TNPO1: variants seen among roughly 807,000 people sequenced by gnomAD.
TNPO1 encodes the protein transportin-1.
In TNPO1, 8 loss-of-function variants were observed where a neutral mutation model predicts 119.5. The observed-to-expected ratio is 0.07, with a 90% CI of 0.04 to 0.12. The LOEUF is 0.12. Ranked by LOEUF, TNPO1 falls within the 10% of genes least tolerant of loss-of-function variation. The pLI is 1.00. For missense variants in TNPO1, 576 were observed against 1,089.8 expected (o/e 0.53, Z 6.64); for synonymous variants, 362 against 363.0 (o/e 1.00, Z 0.03).
intron 1 of TNPO1, among the ~76,000 whole-genome samples, chr5:72,836,308 T>G (rs1744691658): frequency 6.6e-6 from 1 of 152,162 alleles, no homozygotes; most frequent in Non-Finnish European, 1.5e-5. Context: ...CTTTCAAATC[T>G]AGGTGAGGTA....
intron 9 of TNPO1, among the ~76,000 whole-genome samples, chr5:72,879,970 T>C (rs1182860986): frequency 6.6e-6 from 1 of 152,114 alleles, no homozygotes; most frequent in Non-Finnish European, 1.5e-5. Context: ...GGCAGATCGC[T>C]TGAGCTCAGG....
intron 1 of TNPO1, among the ~76,000 whole-genome samples, chr5:72,823,932 C>T (rs1744095666): frequency 6.6e-6 from 1 of 152,206 alleles, no homozygotes; most frequent in African/African-American, 2.4e-5. Flanking sequence ...CCCAAACCTT[C>T]TATATCTCTT....
At chr5:72,848,320 C>T (rs1745241884) in intron 1 of TNPO1, 65 bp from the exon 2 acceptor site, 8 of 1,506,598 alleles carry the variant, frequency 5.3e-6, no homozygotes, top group African/African-American at 2.8e-5. Flanking sequence ...CGCGGGAAGC[C>T]TCTGGGCCTG....
intron 15 of TNPO1, 86 bp from the exon 16 acceptor site, chr5:72,893,053 A>C: frequency 4.2e-6 from 4 of 944,346 alleles, no homozygotes; most frequent in Non-Finnish European, 3.3e-6. Flanking sequence ...ATAAATGATC[A>C]GGATCCTGTT....
chr5:72,848,676 C>G (rs1333195304), intron 2 of TNPO1, among the ~76,000 whole-genome samples, 178 bp downstream of exon 2: 2 of 148,698 alleles, frequency 1.3e-5, no homozygotes, highest in African/African-American at 2.4e-5. Flanking sequence ...GGGCGACTCG[C>G]GCACGCGGCC....
At chr5:72,891,406 A>G (rs932282271) in intron 14 of TNPO1, among the ~76,000 whole-genome samples, 1 of 152,090 alleles carries the variant, frequency 6.6e-6, no homozygotes, top group African/African-American at 2.4e-5. Flanking sequence ...CGGAGCTTGC[A>G]GTGAGCTGAG....
At chr5:72,855,692 A>T in intron 3 of TNPO1, 82 bp from the exon 4 acceptor site, 1 of 1,172,302 alleles carries the variant, frequency 8.5e-7, no homozygotes, top group Non-Finnish European at 1.2e-6. Context: ...CAACTTTTGA[A>T]TATAAATGTT....
intron 3 of TNPO1, among the ~76,000 whole-genome samples, chr5:72,853,652 T>A (rs1745760819): frequency 1.0e-5 from 1 of 98,510 alleles, no homozygotes; most frequent in Non-Finnish European, 2.1e-5. Flanking sequence ...TCTTCTTGTG[T>A]TTATGCATTT....
At chr5:72,882,974 C>T in intron 10 of TNPO1, 90 bp from the exon 11 acceptor site, 1 of 900,618 alleles carries the variant, frequency 1.1e-6, no homozygotes, top group Non-Finnish European at 1.8e-6. Flanking sequence ...GTGCATGACC[C>T]CATCTCTGGA....
At chr5:72,839,888 G>C (rs1020551784) in intron 1 of TNPO1, among the ~76,000 whole-genome samples, 2 of 152,160 alleles carry the variant, frequency 1.3e-5, no homozygotes, top group Non-Finnish European at 2.9e-5. Context: ...ATCTGTTTTA[G>C]AACTCAACAA....
At chr5:72,844,184 A>T (rs1025288568) in intron 1 of TNPO1, among the ~76,000 whole-genome samples, 6 of 152,238 alleles carry the variant, frequency 3.9e-5, no homozygotes, top group African/African-American at 1.4e-4. Context: ...ATACAATATG[A>T]CAGTTTCTAG....
At chr5:72,817,025 A>G in intron 1 of TNPO1, 1 of 471,962 alleles carries the variant, frequency 2.1e-6, no homozygotes, top group Non-Finnish European at 3.7e-6. Flanking sequence ...GCCCGTTACA[A>G]GGGGCGGGAA....
intron 1 of TNPO1, among the ~76,000 whole-genome samples, chr5:72,838,048 T>C (rs1471179668): frequency 1.3e-5 from 2 of 152,220 alleles, no homozygotes; most frequent in African/African-American, 4.8e-5. Flanking sequence ...TATGAAGAAA[T>C]GTATGGTTAG....
chr5:72,875,605 T>C lies in TNPO1; in HGVS notation c.679-10T>C. The C allele has an allele frequency of 6.2e-7, 1 of 1,608,982 alleles. No individual in the cohort carries two copies. The highest frequency in any genetic ancestry group is 8.5e-7 in the Non-Finnish European group (1 of 1,176,080). On this transcript the variant is annotated splice_polypyrimidine_tract_variant and intron_variant, in intron 7 of 24. Transcript: ENST00000337273. The stretch of plus-strand genomic sequence containing the variant: ...TCTAAAACTAGAAAAAATTATTTCT[T>C]GTGCAACAGAATCTCTTTGCATTAG...
rs763860088 is a variant in TNPO1 at position 72,883,138 on chromosome 5, G to A, written c.1056G>A (p.Thr352=). ...GGCCACGTTTTCACCGATCGAGGACGGTGGCTCAGCAGCATGATGAAGATG... is the reference window on the plus strand; with the variant it reads ...GGCCACGTTTTCACCGATCGAGGACAGTGGCTCAGCAGCATGATGAAGATG... ...DIRPRFHRSR[T]VAQQHDEDGI... is the part of the protein sequence containing the mutation. Residue 352 remains threonine (T), a synonymous_variant, in exon 11 of 25, where the codon ACG becomes ACA. Coordinates refer to ENST00000337273, the MANE Select transcript of TNPO1 (RefSeq NM_002270.4). 1.4e-5 allele frequency: 22 copies of A among 1,613,906 alleles called. No homozygotes were observed. The highest frequency in any genetic ancestry group is 6.6e-5 in the South Asian group (6 of 91,078).
intron 1 of TNPO1, among the ~76,000 whole-genome samples, chr5:72,824,146 A>G (rs1744104791): frequency 6.6e-6 from 1 of 152,132 alleles, no homozygotes; most frequent in African/African-American, 2.4e-5. Context: ...CTGCCTTTGT[A>G]CTAGGCCCCA....
At chr5:72,897,182 A>G in intron 20 of TNPO1, 31 bp downstream of exon 20, 1 of 1,514,624 alleles carries the variant, frequency 6.6e-7, no homozygotes, top group Non-Finnish European at 9.0e-7. Context: ...TTCAGTGAAG[A>G]GAAAATTTGT....
At chr5:72,857,259 A>G (rs1482014648) in intron 4 of TNPO1, among the ~76,000 whole-genome samples, 5 of 152,020 alleles carry the variant, frequency 3.3e-5, no homozygotes, top group Admixed American at 1.3e-4. Flanking sequence ...TGCAGGTTGC[A>G]GTAAGCTGAG....
intron 6 of TNPO1, among the ~76,000 whole-genome samples, chr5:72,871,009 G>A (rs1286421951): frequency 2.0e-5 from 3 of 151,978 alleles, no homozygotes; most frequent in Non-Finnish European, 4.4e-5. Flanking sequence ...TCTCTCCATC[G>A]CCCAGGCTAG....
Sources: gnomAD v4.1 joint callset for allele counts (sites outside exome capture counted in the v4.1 genomes callset) on GRCh38, gnomAD v4.1.1 for gene constraint, MANE v1.5 for transcripts, NCBI Gene and HGNC (gene_info 2026-07-23, HGNC 2026-07-21) for gene names.